CDH22: variants seen among roughly 807,000 people sequenced by gnomAD.
The protein encoded by CDH22 is cadherin-22.
CDH22 carries 30 observed loss-of-function variants against 58.4 expected under a neutral mutation model. The ratio of observed to expected loss-of-function variants is 0.51; its 90% CI spans 0.38 to 0.70. The LOEUF is 0.70. Ranked by LOEUF, CDH22 falls within the 30% of genes least tolerant of loss-of-function variation. The probability of loss-of-function intolerance (pLI) is 0.00; values close to 1 mark genes in which losing one functional copy is unlikely to be tolerated. For synonymous variants in CDH22, 513 were observed against 558.2 expected (o/e 0.92, Z 1.14); for missense variants, 1,014 against 1,233.9 (o/e 0.82, Z 2.67).
intron 10 of CDH22, among the ~76,000 whole-genome samples, chr20:46,184,474 G>A (rs900064632): frequency 1.3e-5 from 2 of 152,066 alleles, no homozygotes; most frequent in Non-Finnish European, 2.9e-5. Flanking sequence ...GGCACCTAGG[G>A]TTGAACAAAG....
intron 1 of CDH22, among the ~76,000 whole-genome samples, chr20:46,303,915 G>A (rs1014006865): frequency 2.6e-5 from 4 of 152,194 alleles, no homozygotes; most frequent in African/African-American, 9.7e-5. Flanking sequence ...TGCAGCGGGA[G>A]GGTATCAGAG....
chr20:46,220,348 A>G (rs920601925), intron 4 of CDH22: 3 of 150,104 alleles, frequency 2.0e-5, no homozygotes, highest in Admixed American at 1.3e-4. Context: ...GGGAACAGAC[A>G]TACAGAAAAC....
chr20:46,183,348 G>C (rs886293920), intron 10 of CDH22, among the ~76,000 whole-genome samples: 10 of 152,180 alleles, frequency 6.6e-5, no homozygotes, highest in African/African-American at 1.9e-4. Flanking sequence ...TCCTGCTCCA[G>C]GTTTTGGTCA....
At chr20:46,209,990 A>C in intron 7 of CDH22, 2 of 288,984 alleles carry the variant, frequency 6.9e-6, no homozygotes, top group Non-Finnish European at 6.4e-6. Flanking sequence ...TCAGGGAGCC[A>C]GTGTGGCTGC....
intron 3 of CDH22, among the ~76,000 whole-genome samples, chr20:46,234,020 C>T (rs1234639968): frequency 6.6e-6 from 1 of 152,234 alleles, no homozygotes; most frequent in East Asian, 1.9e-4. Context: ...CTGCCCTCTC[C>T]AAATGATATC....
intron 7 of CDH22, among the ~76,000 whole-genome samples, chr20:46,202,712 G>C (rs976712178): frequency 6.6e-6 from 1 of 152,136 alleles, no homozygotes; most frequent in South Asian, 2.1e-4. Flanking sequence ...CCAAATCCTC[G>C]ATGCATGAAG....
At chr20:46,181,756 T>TTCCTTCCTTCCTTCC (rs1410990843) in intron 10 of CDH22, among the ~76,000 whole-genome samples, 677 of 27,396 alleles carry the variant, frequency 0.025, 5 homozygotes, top group African/African-American at 0.055. Flanking sequence ...TCCTTCCTTC[T>TTCCTTCCTTCCTTCC]TTCTTTCTTT....
chr20:46,266,690 A>C (rs1394638076), intron 1 of CDH22, among the ~76,000 whole-genome samples: 1 of 152,084 alleles, frequency 6.6e-6, no homozygotes, highest in Non-Finnish European at 1.5e-5. Context: ...AGTAGGTTGG[A>C]GCTTGGCTTT....
intron 3 of CDH22, among the ~76,000 whole-genome samples, chr20:46,227,997 A>G (rs1450520893): frequency 2.0e-5 from 3 of 152,210 alleles, no homozygotes; most frequent in Non-Finnish European, 2.9e-5. Context: ...AACTCCCAGC[A>G]CAGAGCTGTT....
At chr20:46,298,712 G>A (rs2086639005) in intron 1 of CDH22, among the ~76,000 whole-genome samples, 1 of 152,038 alleles carries the variant, frequency 6.6e-6, no homozygotes. Flanking sequence ...TGGGATGCTG[G>A]CTGGATGAAT....
At chr20:46,278,118 G>T (rs2086529747) in intron 1 of CDH22, among the ~76,000 whole-genome samples, 1 of 151,986 alleles carries the variant, frequency 6.6e-6, no homozygotes, top group African/African-American at 2.4e-5. Flanking sequence ...AGGGGTGGGG[G>T]CCCCAGGGAG....
At chr20:46,178,562 C>G (rs2085758968) in intron 10 of CDH22, among the ~76,000 whole-genome samples, 1 of 149,530 alleles carries the variant, frequency 6.7e-6, no homozygotes, top group South Asian at 2.1e-4. Flanking sequence ...CCCAGCTAGG[C>G]CAAGGTCCTG....
At position 46,227,596 on chromosome 20, in the gene CDH22, A is replaced by G. The variant is rs368596174; in HGVS notation, c.582T>C (p.Asp194=). The G allele has an allele frequency of 2.5e-6, 4 of 1,612,898 alleles. No individual in the cohort carries two copies. The African/African-American group carries it at 5.3e-5, about 22-fold the overall frequency. The part of the protein sequence containing the change: ...GTSVMQVMAS[D]ADDPTYGSSA... ...TGCTGCCGTACGTGGGGTCATCCGC[A>G]TCCGAGGCCATCACCTGCATCACCG... The change falls in exon 4 of 12, where the codon GAT becomes GAC. Residue 194 remains aspartate (D), a synonymous_variant. Transcript: ENST00000537909.
At chr20:46,222,222 G>A (rs184885474) in intron 4 of CDH22, among the ~76,000 whole-genome samples, 3 of 152,308 alleles carry the variant, frequency 2.0e-5, no homozygotes, top group African/African-American at 7.2e-5. Context: ...CCATAAACAA[G>A]TTTCACAGAG....
At position 46,305,374 on chromosome 20, in the gene CDH22, G is replaced by A. The variant is rs561801534; in HGVS notation, c.-400+2881C>T. Reference sequence around the variant, plus strand: ...AAGGTGCTTTGAGGAACCCGGGGTGGAGGGTGTGCCCACTCTTGCGGGGGG... The same window carrying A: ...AAGGTGCTTTGAGGAACCCGGGGTGAAGGGTGTGCCCACTCTTGCGGGGGG... On this transcript the variant is annotated intron_variant, in intron 1 of 11. Transcript: ENST00000537909. 4.4e-4 allele frequency among the ~76,000 whole-genome samples: 67 copies of A among 152,346 alleles called. No individual in the cohort carries two copies. In the South Asian group the frequency reaches 0.014, roughly 32 times the overall value.
At chr20:46,265,674 A>G (rs2086455912) in intron 1 of CDH22, among the ~76,000 whole-genome samples, 1 of 152,104 alleles carries the variant, frequency 6.6e-6, no homozygotes, top group Non-Finnish European at 1.5e-5. Flanking sequence ...TTTTCTCAGC[A>G]TTATGTTTGT....
chr20:46,225,054 T>C (rs1274533609), intron 4 of CDH22, among the ~76,000 whole-genome samples: 1 of 152,220 alleles, frequency 6.6e-6, no homozygotes, highest in Non-Finnish European at 1.5e-5. Context: ...GCATGTCATT[T>C]CCTTGCTTAG....
At chr20:46,253,870 G>C (rs1406127484) in intron 1 of CDH22, among the ~76,000 whole-genome samples, 1 of 152,138 alleles carries the variant, frequency 6.6e-6, no homozygotes. Flanking sequence ...GAGGGCTGTG[G>C]AGGTCGATGG....
In CDH22 at chr20:46,210,287, GC is replaced by G. The variant is rs2086031532; in HGVS notation, c.1286+19del. The stretch of plus-strand genomic sequence containing the variant: ...GCGGGATAGCAGGCAGCAGGCGTCG[GC>G]CCCGGGCGGGGGTCTCACCGGACGG... On this transcript the variant is annotated intron_variant, in intron 7 of 11. Transcript: ENST00000537909. This position sits in a 1 kb window ranked among gnomAD's most constrained non-coding sequence, Gnocchi z 4.5. 4 of 1,388,356 alleles carry G rather than the reference GC, an allele frequency of 2.9e-6. No homozygotes were observed. Among genetic ancestry groups the G allele is most frequent in the East Asian group, 3.1e-5 (1 of 32,378 alleles). The allele number at this position is 1,388,356 out of a possible 1,614,324, so 86.0% of individuals were successfully genotyped here. A position where few individuals can be genotyped will look rare whatever the true frequency, so the allele number is the denominator to read the frequency against.
Sources: allele counts gnomAD v4.1 joint callset (sites outside exome capture counted in the v4.1 genomes callset), GRCh38; gene constraint gnomAD v4.1.1; non-coding constraint Gnocchi (gnomAD v3.1); transcripts MANE v1.5; gene names NCBI Gene and HGNC (gene_info 2026-07-23, HGNC 2026-07-21).